Variants in TRMT11 observed in about 807,000 individuals in gnomAD.
TRMT11 encodes tRNA (guanine(10)-N(2))-methyltransferase TRMT11.
Under a neutral mutation model 62.8 loss-of-function variants are expected in TRMT11, and 53 were observed. The ratio of observed to expected loss-of-function variants is 0.84; its 90% CI spans 0.68 to 1.06. The LOEUF (loss-of-function observed/expected upper bound fraction) is 1.06. Ranked by LOEUF, TRMT11 falls within the 50% of genes least tolerant of loss-of-function variation. The pLI is 0.00. For synonymous variants in TRMT11, 188 were observed against 190.3 expected (o/e 0.99, Z 0.10); for missense variants, 556 against 553.4 (o/e 1.00, Z -0.05).
At chr6:126,113,889 G>T (rs1258170767) in intron 18 of TRMT11, among the ~76,000 whole-genome samples, 1 of 151,988 alleles carries the variant, frequency 6.6e-6, no homozygotes, top group Non-Finnish European at 1.5e-5. Context: ...TGATTCAGTT[G>T]GTCTAGGGTC....
At position 126,197,407 on chromosome 6, in the gene TRMT11, G is replaced by A. The variant is rs369284080; in HGVS notation, n.144-1392G>A. Among the ~76,000 whole-genome samples the A allele has an allele frequency of 1.1e-4, 16 of 152,224 alleles. No individual in the cohort carries two copies. The East Asian group carries it at 1.5e-3, about 15-fold the overall frequency. On this transcript the variant is annotated intron_variant and non_coding_transcript_variant, in intron 1 of 3. Transcript: ENST00000444229. ...TTCAGTCTTCCATGTTTTATCCAGA[G>A]GCTGATAATCTCTTTCCTAACATAT... is the stretch of plus-strand genomic sequence containing the variant.
chr6:126,102,452 C>G (rs527424651), intron 17 of TRMT11, among the ~76,000 whole-genome samples: 2 of 151,970 alleles, frequency 1.3e-5, no homozygotes, highest in South Asian at 4.1e-4. Flanking sequence ...TGAAAAAACA[C>G]AAAAGCAAAC....
At chr6:126,146,336 T>G (rs1188116947) in intron 21 of TRMT11, among the ~76,000 whole-genome samples, 1 of 152,198 alleles carries the variant, frequency 6.6e-6, no homozygotes, top group Non-Finnish European at 1.5e-5. Context: ...AGACATGTTT[T>G]GTGTGACACT....
intron 1 of TRMT11, among the ~76,000 whole-genome samples, chr6:126,194,479 C>T (rs771825219): frequency 3.3e-5 from 5 of 152,084 alleles, no homozygotes; most frequent in African/African-American, 7.2e-5. Flanking sequence ...AATTTCGCGC[C>T]CTAATGTTCA....
At chr6:126,176,733 A>G (rs116846826), upstream of TRMT11, among the ~76,000 whole-genome samples, 462 of 152,316 alleles carry the variant, frequency 3.0e-3, 3 homozygotes, top group Middle Eastern at 6.8e-3. Flanking sequence ...TATTTTCACA[A>G]ATCAGTTTTA....
At chr6:126,092,826 A>G (rs533671022) in intron 17 of TRMT11, among the ~76,000 whole-genome samples, 1 of 152,322 alleles carries the variant, frequency 6.6e-6, no homozygotes, top group South Asian at 2.1e-4. Flanking sequence ...TGGCTGATCA[A>G]TTGGATATGG....
At chr6:126,137,713 A>T (rs1256458769) in intron 21 of TRMT11, among the ~76,000 whole-genome samples, 1 of 151,974 alleles carries the variant, frequency 6.6e-6, no homozygotes, top group Non-Finnish European at 1.5e-5. Context: ...ATATGGAATC[A>T]ACCTAAGTGT....
At chr6:126,251,381 G>A in the TRMT11 span, among the ~76,000 whole-genome samples, 9 of 152,056 alleles carry the variant, frequency 5.9e-5, no homozygotes, top group South Asian at 4.2e-4. Context: ...ATTAGGGTGC[G>A]AAACATAAAA....
chr6:126,136,135 A>G (rs902556332), intron 21 of TRMT11, among the ~76,000 whole-genome samples: 3 of 151,790 alleles, frequency 2.0e-5, no homozygotes, highest in African/African-American at 7.2e-5. Context: ...AATCCTAGCC[A>G]AAGCAATTAG....
chr6:126,191,165 T>G (rs1778594166), intron 1 of TRMT11, among the ~76,000 whole-genome samples: 2 of 152,198 alleles, frequency 1.3e-5, no homozygotes, highest in South Asian at 4.1e-4. Context: ...TCCTTATGGT[T>G]TTGATTTGCA....
chr6:126,248,644 T>C, the TRMT11 span, among the ~76,000 whole-genome samples: 1 of 152,142 alleles, frequency 6.6e-6, no homozygotes, highest in African/African-American at 2.4e-5. Flanking sequence ...TTATGTTTCT[T>C]GTCTTTTGCC....
At chr6:126,110,546 T>A (rs1352619284) in intron 17 of TRMT11, among the ~76,000 whole-genome samples, 1 of 152,212 alleles carries the variant, frequency 6.6e-6, no homozygotes, top group Non-Finnish European at 1.5e-5. Context: ...TCTTCCCTGA[T>A]GTTTTCTATT....
intron 21 of TRMT11, among the ~76,000 whole-genome samples, chr6:126,151,359 C>A (rs1413434205): frequency 1.3e-5 from 2 of 152,162 alleles, no homozygotes; most frequent in East Asian, 3.8e-4. Flanking sequence ...ACTAAACATG[C>A]CTGATTCCTA....
At chr6:126,120,326 G>T (rs1422458832) in intron 21 of TRMT11, among the ~76,000 whole-genome samples, 1 of 151,956 alleles carries the variant, frequency 6.6e-6, no homozygotes, top group East Asian at 1.9e-4. Flanking sequence ...ATATAAAATA[G>T]GTAAAAGAAA....
intron 11 of TRMT11, among the ~76,000 whole-genome samples, chr6:126,017,212 T>G (rs1313603957): frequency 6.6e-6 from 1 of 152,218 alleles, no homozygotes; most frequent in African/African-American, 2.4e-5. Context: ...GTGTGGTGAA[T>G]GTAGGCTATT....
the TRMT11 span, among the ~76,000 whole-genome samples, chr6:126,216,523 C>T: frequency 2.0e-5 from 3 of 152,028 alleles, no homozygotes; most frequent in Admixed American, 2.0e-4. Flanking sequence ...CCATTGTGTT[C>T]AGAGAAGATT....
At chr6:126,052,618 C>T (rs573161845) in intron 16 of TRMT11, among the ~76,000 whole-genome samples, 8 of 152,222 alleles carry the variant, frequency 5.3e-5, no homozygotes, top group Admixed American at 1.3e-4. Flanking sequence ...ACCTGTGGAC[C>T]GGCCAAAAGC....
intron 21 of TRMT11, among the ~76,000 whole-genome samples, chr6:126,156,653 T>C (rs1778125327): frequency 6.6e-6 from 1 of 152,196 alleles, no homozygotes; most frequent in African/African-American, 2.4e-5. Context: ...CATCTGCTTC[T>C]GGTGAGGGCC....
chr6:126,112,150 G>A (rs148036441), intron 17 of TRMT11, among the ~76,000 whole-genome samples: 2 of 152,200 alleles, frequency 1.3e-5, no homozygotes, highest in East Asian at 3.9e-4. Context: ...TATTAGCTCA[G>A]CTTTAACCCT....
Sources: allele counts gnomAD v4.1 joint callset (sites outside exome capture counted in the v4.1 genomes callset), GRCh38; gene constraint gnomAD v4.1.1; transcripts MANE v1.5; gene names NCBI Gene and HGNC (gene_info 2026-07-23, HGNC 2026-07-21).